Variants in GBE1 observed in about 807,000 individuals in gnomAD.
GBE1 encodes the protein 1,4-alpha-glucan branching enzyme 1.
GBE1 carries 70 observed loss-of-function variants against 88.8 expected under a neutral mutation model. The observed-to-expected ratio is 0.79, with a 90% CI of 0.65 to 0.96. The LOEUF is 0.96. Among genes scored for constraint, GBE1 ranks in the 40% least tolerant of loss-of-function variants. GBE1 has a pLI of 0.00. For missense variants in GBE1, 872 were observed against 871.0 expected, an observed-to-expected ratio of 1.00 and a Z score of -0.01; for synonymous variants, 284 against 300.1, an observed-to-expected ratio of 0.95 and a Z score of 0.56.
intron 1 of GBE1, among the ~76,000 whole-genome samples, chr3:81,714,194 T>G (rs911286382): frequency 2.0e-5 from 3 of 152,182 alleles, no homozygotes; most frequent in African/African-American, 7.2e-5. Flanking sequence ...CATACAATAC[T>G]GGCACATAAG....
At chr3:81,759,697 CTCTTCCCT>C (rs913587756) in intron 1 of GBE1, among the ~76,000 whole-genome samples, 31 of 152,306 alleles carry the variant, frequency 2.0e-4, no homozygotes, top group East Asian at 1.4e-3. Context: ...ACACTGGATT[CTCTTCCCT>C]TCTTTATCTT....
chr3:81,711,985 G>A (rs1705874953), intron 1 of GBE1, among the ~76,000 whole-genome samples: 1 of 152,102 alleles, frequency 6.6e-6, no homozygotes, highest in Non-Finnish European at 1.5e-5. Context: ...TCAAGAAGTG[G>A]GCGAAGGATA....
intron 12 of GBE1, among the ~76,000 whole-genome samples, chr3:81,545,234 A>T (rs920001600): frequency 6.6e-6 from 1 of 151,888 alleles, no homozygotes; most frequent in African/African-American, 2.4e-5. Context: ...TTTAAAAAAA[A>T]AATAAACTTG....
Position 81,547,573 on chromosome 3 carries a change from TG to T in GBE1, c.1619-10479del, listed in dbSNP as rs1703222219. Among the ~76,000 whole-genome samples, 3 of 150,892 alleles carry T rather than the reference TG, an allele frequency of 2.0e-5. No homozygotes were observed. In the East Asian group the frequency reaches 5.8e-4, roughly 29 times the overall value. ...GGCAAGGGAACCCAGAAGCCCGGCA[TG>T]CCAGCAAAAGGATAAGAATTTCTTA... On this transcript the variant is annotated intron_variant, in intron 12 of 15. Transcript: ENST00000429644.
intron 12 of GBE1, among the ~76,000 whole-genome samples, chr3:81,567,757 C>G (rs898505322): frequency 3.9e-5 from 6 of 152,214 alleles, no homozygotes; most frequent in African/African-American, 1.4e-4. Context: ...CATTGTCACT[C>G]TTTTGACTAC....
intron 1 of GBE1, among the ~76,000 whole-genome samples, chr3:81,757,687 TG>T (rs983086687): frequency 6.6e-6 from 1 of 152,192 alleles, no homozygotes; most frequent in Non-Finnish European, 1.5e-5. Context: ...ACACTGCGAT[TG>T]GGTTGACAGG....
At chr3:81,514,841 C>T (rs544092531) in intron 14 of GBE1, among the ~76,000 whole-genome samples, 4 of 151,540 alleles carry the variant, frequency 2.6e-5, no homozygotes, top group African/African-American at 9.7e-5. Flanking sequence ...TAATATCTCA[C>T]GTAGGCAGGC....
At chr3:81,689,919 C>T (rs1254522707) in intron 2 of GBE1, among the ~76,000 whole-genome samples, 2 of 152,088 alleles carry the variant, frequency 1.3e-5, no homozygotes, top group Non-Finnish European at 2.9e-5. Context: ...GTGGAGGATC[C>T]CTATTTCCCA....
intron 1 of GBE1, among the ~76,000 whole-genome samples, chr3:81,745,867 A>T (rs923049794): frequency 2.6e-5 from 4 of 152,152 alleles, no homozygotes; most frequent in Non-Finnish European, 4.4e-5. Flanking sequence ...CCATCTCTCA[A>T]CAACTAATCA....
In GBE1 at chr3:81,519,607, A is replaced by G. The variant is rs73125175; in HGVS notation, c.1934+15588T>C. Among the ~76,000 whole-genome samples, 470 of 151,474 alleles carry G rather than the reference A, an allele frequency of 3.1e-3. 1 individual carries two copies. The highest frequency in any genetic ancestry group is 6.8e-3 in the Middle Eastern group (2 of 294). On this transcript the variant is annotated intron_variant, in intron 14 of 15. Coordinates refer to ENST00000429644, the MANE Select transcript of GBE1 (RefSeq NM_000158.4). ...TGGGGGGGGTTAAAATTTCTATTGTATATCATGTATTAACTTAAACTGATG... is the reference window on the plus strand; with the variant it reads ...TGGGGGGGGTTAAAATTTCTATTGTGTATCATGTATTAACTTAAACTGATG...
chr3:81,668,879 T>C (rs1411776477), intron 3 of GBE1, among the ~76,000 whole-genome samples: 1 of 152,240 alleles, frequency 6.6e-6, no homozygotes, highest in African/African-American at 2.4e-5. Context: ...GAGTGGACTG[T>C]GTCCTAGCTC....
chr3:81,699,282 ATCT>A (rs148536370), intron 2 of GBE1, among the ~76,000 whole-genome samples: 1,759 of 152,250 alleles, frequency 0.012, 44 homozygotes, highest in African/African-American at 0.04. Flanking sequence ...AAGTCAAGAA[ATCT>A]TCTCAACAAT....
At chr3:81,731,525 T>C (rs1351037439) in intron 1 of GBE1, among the ~76,000 whole-genome samples, 1 of 152,128 alleles carries the variant, frequency 6.6e-6, no homozygotes, top group Non-Finnish European at 1.5e-5. Flanking sequence ...TTGCCTCCTG[T>C]TGAAGCCTGA....
intron 1 of GBE1, among the ~76,000 whole-genome samples, chr3:81,744,499 T>C (rs1439518096): frequency 6.6e-6 from 1 of 152,134 alleles, no homozygotes; most frequent in Non-Finnish European, 1.5e-5. Flanking sequence ...CATTTGCTTT[T>C]CTGGAAACCT....
At chr3:81,586,279 A>AG (rs2106945483) in intron 9 of GBE1, 89 bp from the exon 10 acceptor site, 1 of 777,190 alleles carries the variant, frequency 1.3e-6, no homozygotes, top group East Asian at 2.9e-5. Flanking sequence ...AAACAATAAT[A>AG]GGGGAATATA....
chr3:81,601,530 A>G (rs775247166), intron 7 of GBE1, among the ~76,000 whole-genome samples: 48 of 152,166 alleles, frequency 3.2e-4, no homozygotes, highest in Non-Finnish European at 6.3e-4. Context: ...TCAGTTTTCC[A>G]CAACGTAAAA....
intron 15 of GBE1, among the ~76,000 whole-genome samples, chr3:81,495,603 T>G (rs1702490619): frequency 6.6e-6 from 1 of 152,206 alleles, no homozygotes; most frequent in African/African-American, 2.4e-5. Context: ...TATTTTGCAT[T>G]GGGGTTAGGA....
chr3:81,498,745 A>AT (rs1702546971), intron 15 of GBE1, among the ~76,000 whole-genome samples: 1 of 152,206 alleles, frequency 6.6e-6, no homozygotes, highest in African/African-American at 2.4e-5. Context: ...TCTGCTTAAT[A>AT]TAAAATGTTA....
chr3:81,649,485 G>C (rs1704814182), intron 4 of GBE1, among the ~76,000 whole-genome samples: 1 of 150,850 alleles, frequency 6.6e-6, no homozygotes, highest in African/African-American at 2.4e-5. Context: ...GCACTAAAGA[G>C]TCTCTGATCA....
Sources: allele counts gnomAD v4.1 joint callset (sites outside exome capture counted in the v4.1 genomes callset), GRCh38; gene constraint gnomAD v4.1.1; transcripts MANE v1.5; gene names NCBI Gene and HGNC (gene_info 2026-07-23, HGNC 2026-07-21).